The following KCNAB1 variants were observed in gnomAD, a reference collection of about 807,000 sequenced individuals.
KCNAB1 encodes the protein potassium voltage-gated channel subfamily A regulatory beta subunit 1.
A neutral mutation model predicts 64.6 loss-of-function variants in KCNAB1; 35 were observed. That is an observed-to-expected ratio of 0.54 (90% CI 0.41 to 0.72). The LOEUF is 0.72. KCNAB1 is among the 30% of genes least tolerant of loss of function. KCNAB1 has a pLI of 0.00. For missense variants in KCNAB1, 401 were observed against 512.9 expected (o/e 0.78, Z 2.11); for synonymous variants, 177 against 183.8 (o/e 0.96, Z 0.30).
intron 1 of KCNAB1, among the ~76,000 whole-genome samples, chr3:156,243,433 G>A (rs551300278): frequency 6.6e-6 from 1 of 151,900 alleles, no homozygotes; most frequent in South Asian, 2.1e-4. Context: ...TCTCCATGTT[G>A]GTCAGGCTTA....
intron 1 of KCNAB1, among the ~76,000 whole-genome samples, chr3:156,314,590 G>A (rs1183421364): frequency 6.6e-6 from 1 of 152,214 alleles, no homozygotes; most frequent in Non-Finnish European, 1.5e-5. Context: ...CCTGAGCCAA[G>A]ATCTTTTACG....
At chr3:156,216,051 T>TA (rs1274799755) in intron 1 of KCNAB1, among the ~76,000 whole-genome samples, 3 of 152,190 alleles carry the variant, frequency 2.0e-5, no homozygotes, top group African/African-American at 7.2e-5. Context: ...AGCCTTTGGA[T>TA]ATAGTGGGTA....
intron 1 of KCNAB1, among the ~76,000 whole-genome samples, chr3:156,165,067 A>G (rs1039893144): frequency 6.6e-6 from 1 of 151,946 alleles, no homozygotes; most frequent in African/African-American, 2.4e-5. Context: ...TCACGAGGTC[A>G]GGAGATCGAG....
intron 1 of KCNAB1, among the ~76,000 whole-genome samples, chr3:156,247,635 T>G (rs1717540499): frequency 6.6e-6 from 1 of 152,140 alleles, no homozygotes; most frequent in Admixed American, 6.5e-5. Flanking sequence ...TGATCATGGC[T>G]CATTGCAGCC....
chr3:156,409,247 A>G (rs1714469511), intron 1 of KCNAB1, among the ~76,000 whole-genome samples: 1 of 152,240 alleles, frequency 6.6e-6, no homozygotes, highest in Non-Finnish European at 1.5e-5. Flanking sequence ...CAGTCAAGTC[A>G]TTCAACTCGA....
At chr3:156,129,096 C>G (rs952831850) in intron 1 of KCNAB1, among the ~76,000 whole-genome samples, 1 of 152,186 alleles carries the variant, frequency 6.6e-6, no homozygotes, top group Admixed American at 6.5e-5. Flanking sequence ...CTTGTTACAA[C>G]CCATATCCTT....
intron 12 of KCNAB1, among the ~76,000 whole-genome samples, chr3:156,528,232 G>C (rs1718464647): frequency 6.6e-6 from 1 of 151,262 alleles, no homozygotes; most frequent in South Asian, 2.1e-4. Context: ...GCACTATTTT[G>C]TATTTTGCCC....
At chr3:156,141,092 A>C (rs1331516892) in intron 1 of KCNAB1, among the ~76,000 whole-genome samples, 1 of 151,966 alleles carries the variant, frequency 6.6e-6, no homozygotes, top group African/African-American at 2.4e-5. Flanking sequence ...ATTTTGAGAT[A>C]ACTGTTTATT....
At chr3:156,476,091 G>A (rs1327204564) in intron 8 of KCNAB1, among the ~76,000 whole-genome samples, 1 of 152,098 alleles carries the variant, frequency 6.6e-6, no homozygotes, top group South Asian at 2.1e-4. Flanking sequence ...CATTTTATTA[G>A]TATAAGAAGT....
At chr3:156,363,479 CTTTTT>C (rs57981797) in intron 1 of KCNAB1, among the ~76,000 whole-genome samples, 1 of 146,610 alleles carries the variant, frequency 6.8e-6, no homozygotes, top group Non-Finnish European at 1.5e-5. Flanking sequence ...CTTTGGCAAT[CTTTTT>C]TTTTTTTTTG....
At chr3:156,341,057 T>G (rs1446682506) in intron 1 of KCNAB1, among the ~76,000 whole-genome samples, 1 of 152,218 alleles carries the variant, frequency 6.6e-6, no homozygotes, top group Admixed American at 6.5e-5. Context: ...ATGGAGCATA[T>G]TTTTACATTT....
At chr3:156,190,488 A>G (rs1000540480) in intron 1 of KCNAB1, among the ~76,000 whole-genome samples, 43 of 152,218 alleles carry the variant, frequency 2.8e-4, no homozygotes, top group Admixed American at 2.0e-4. Flanking sequence ...ATAAAGTACA[A>G]GCAAGAAATA....
At chr3:156,484,920 G>T (rs1197902734) in intron 8 of KCNAB1, among the ~76,000 whole-genome samples, 1 of 152,054 alleles carries the variant, frequency 6.6e-6, no homozygotes, top group Non-Finnish European at 1.5e-5. Context: ...TATAAACTTG[G>T]CTGAGTTGCT....
intron 1 of KCNAB1, among the ~76,000 whole-genome samples, chr3:156,403,970 G>C (rs760323451): frequency 1.5e-4 from 23 of 151,612 alleles, no homozygotes; most frequent in Non-Finnish European, 3.1e-4. Flanking sequence ...GCCTGACCTG[G>C]GTTAACCAAG....
chr3:156,227,277 C>T (rs573962389), intron 1 of KCNAB1, among the ~76,000 whole-genome samples: 3 of 152,172 alleles, frequency 2.0e-5, no homozygotes, highest in African/African-American at 7.2e-5. Context: ...AGTACTGAAA[C>T]GACTGGCCAT....
chr3:156,277,956 T>A (rs909770588), intron 1 of KCNAB1, among the ~76,000 whole-genome samples: 2 of 152,312 alleles, frequency 1.3e-5, no homozygotes, highest in East Asian at 3.9e-4. Flanking sequence ...AGAACATTTA[T>A]GTTCCCAAAA....
At chr3:156,312,774 A>G (rs898671931) in intron 1 of KCNAB1, among the ~76,000 whole-genome samples, 14 of 151,318 alleles carry the variant, frequency 9.3e-5, no homozygotes, top group Non-Finnish European at 1.9e-4. Context: ...CGAGTGGTCA[A>G]ATTCTGCTAT....
chr3:156,401,280 T>G (rs1039437928), intron 1 of KCNAB1, among the ~76,000 whole-genome samples: 1 of 152,250 alleles, frequency 6.6e-6, no homozygotes, highest in African/African-American at 2.4e-5. Flanking sequence ...CCTTTATACA[T>G]ACGTGTATGT....
chr3:156,292,198 G>C (rs1360980780), intron 1 of KCNAB1: 1 of 1,548,862 alleles, frequency 6.5e-7, no homozygotes, highest in Non-Finnish European at 8.9e-7. Flanking sequence ...ACAGTCCATC[G>C]GTTTTGAAAA....
Sources: gnomAD v4.1 joint callset for allele counts (sites outside exome capture counted in the v4.1 genomes callset) on GRCh38, gnomAD v4.1.1 for gene constraint, MANE v1.5 for transcripts, NCBI Gene and HGNC (gene_info 2026-07-23, HGNC 2026-07-21) for gene names.